Variants in NRXN3 observed in about 807,000 individuals in gnomAD.
NRXN3 encodes the protein neurexin III.
In NRXN3, 32 loss-of-function variants were observed where a neutral mutation model predicts 137.6. The observed-to-expected ratio is 0.23, with a 90% confidence interval of 0.18 to 0.31. The LOEUF (loss-of-function observed/expected upper bound fraction) is 0.31, where lower values mean the gene tolerates loss of function less well. Ranked by LOEUF, NRXN3 falls within the 10% of genes least tolerant of loss-of-function variation. The pLI, the probability that NRXN3 is intolerant of heterozygous loss-of-function variation, is 1.00. For synonymous variants in NRXN3, 798 were observed against 784.5 expected, an observed-to-expected ratio of 1.02 and a Z score of -0.29; for missense variants, 1,574 against 2,062.5, an observed-to-expected ratio of 0.76 and a Z score of 4.59.
chr14:79,451,234 C>T (rs1167706862), intron 15 of NRXN3, among the ~76,000 whole-genome samples: 1 of 151,504 alleles, frequency 6.6e-6, no homozygotes, highest in Non-Finnish European at 1.5e-5. Context: ...ATTTAATGAT[C>T]TCTGCAATCT....
chr14:78,190,210 A>G (rs142349714), intron 1 of NRXN3, among the ~76,000 whole-genome samples: 135 of 152,330 alleles, frequency 8.9e-4, no homozygotes, highest in Middle Eastern at 6.8e-3. Context: ...CCAAATGAGA[A>G]TGTCTCACCC....
At chr14:79,352,321 C>T (rs1302123131) in intron 15 of NRXN3, among the ~76,000 whole-genome samples, 4 of 152,060 alleles carry the variant, frequency 2.6e-5, no homozygotes, top group Admixed American at 6.6e-5. Flanking sequence ...ATGTTATGTT[C>T]TTTCATCCAG....
intron 17 of NRXN3, among the ~76,000 whole-genome samples, chr14:79,691,106 G>A (rs1180040338): frequency 6.6e-6 from 1 of 151,916 alleles, no homozygotes; most frequent in Non-Finnish European, 1.5e-5. Context: ...TTTGTTATTT[G>A]AAGCATATTC....
At chr14:78,916,607 G>A (rs753586974) in intron 10 of NRXN3, among the ~76,000 whole-genome samples, 1 of 152,150 alleles carries the variant, frequency 6.6e-6, no homozygotes, top group Admixed American at 6.5e-5. Context: ...GATGAGGTCC[G>A]AGACATAAGG....
At chr14:79,130,749 T>A (rs2057344509) in intron 15 of NRXN3, among the ~76,000 whole-genome samples, 1 of 152,246 alleles carries the variant, frequency 6.6e-6, no homozygotes, top group Admixed American at 6.5e-5. Context: ...GGGGAAGTTT[T>A]CCTGGATAAT....
intron 15 of NRXN3, among the ~76,000 whole-genome samples, chr14:79,130,969 A>C (rs1290534243): frequency 2.6e-5 from 4 of 152,150 alleles, no homozygotes; most frequent in Non-Finnish European, 5.9e-5. Flanking sequence ...AGTTGATCGC[A>C]TCGGCTCCTG....
intron 19 of NRXN3, among the ~76,000 whole-genome samples, chr14:79,744,570 G>A (rs927653547): frequency 6.6e-6 from 1 of 152,160 alleles, no homozygotes; most frequent in African/African-American, 2.4e-5. Context: ...TTCTGTAATT[G>A]TTACTAACAT....
chr14:79,314,800 GGTACACTGACACC>G (rs2088110821), intron 15 of NRXN3, among the ~76,000 whole-genome samples: 3 of 143,642 alleles, frequency 2.1e-5, no homozygotes, highest in Admixed American at 1.4e-4. Flanking sequence ...CCCCAGCAGG[GGTACACTGACACC>G]TCACACGGCA....
rs148746209 is a variant in NRXN3, at chr14:79,160,722, G to C, written c.3262+172581G>C. 3.3e-5 allele frequency among the ~76,000 whole-genome samples: 5 copies of C among 151,898 alleles called. No homozygotes were observed. The East Asian group carries it at 9.7e-4, about 30-fold the overall frequency. ...TTACTGCTTTTAACCTGAAAAATAG[G>C]ATCTAAAATGATACTCAGATACTTA... is the stretch of plus-strand genomic sequence containing the variant. On this transcript the variant is annotated intron_variant, in intron 15 of 20. Transcript: ENST00000335750.
At chr14:79,651,171 C>G (rs539836226) in intron 16 of NRXN3, among the ~76,000 whole-genome samples, 2 of 152,230 alleles carry the variant, frequency 1.3e-5, no homozygotes, top group African/African-American at 2.4e-5. Flanking sequence ...GAACACTAAG[C>G]CTTTCACCTC....
intron 20 of NRXN3, among the ~76,000 whole-genome samples, chr14:79,830,527 G>T (rs1248194769): frequency 1.3e-5 from 2 of 152,088 alleles, no homozygotes; most frequent in Non-Finnish European, 2.9e-5. Flanking sequence ...TTAGTAAAGG[G>T]GGCTTTTGCT....
At chr14:78,289,203 A>T (rs1056308865) in intron 3 of NRXN3, among the ~76,000 whole-genome samples, 1 of 152,190 alleles carries the variant, frequency 6.6e-6, no homozygotes, top group Admixed American at 6.5e-5. Context: ...TGTAAATCCT[A>T]TATGATTATC....
intron 8 of NRXN3, among the ~76,000 whole-genome samples, chr14:78,787,460 A>ACGT (rs1459560546): frequency 6.6e-6 from 1 of 152,170 alleles, no homozygotes; most frequent in African/African-American, 2.4e-5. Context: ...CAGCTCAATG[A>ACGT]CGTTGTGTAA....
chr14:79,649,450 T>A (rs2098465851), intron 16 of NRXN3, among the ~76,000 whole-genome samples: 1 of 152,198 alleles, frequency 6.6e-6, no homozygotes, highest in South Asian at 2.1e-4. Context: ...AGTTTCTAAA[T>A]TCCATAAATG....
intron 4 of NRXN3, among the ~76,000 whole-genome samples, chr14:78,563,664 T>C (rs1600526675): frequency 6.6e-6 from 1 of 152,380 alleles, no homozygotes; most frequent in South Asian, 2.1e-4. Flanking sequence ...CCTTTCCTTT[T>C]GTGTCTAGCC....
intron 15 of NRXN3, among the ~76,000 whole-genome samples, chr14:79,268,581 G>C (rs1431873802): frequency 6.6e-6 from 1 of 152,146 alleles, no homozygotes; most frequent in Non-Finnish European, 1.5e-5. Flanking sequence ...TTCCAGAAAA[G>C]GGGCAAAGAG....
chr14:79,358,656 A>AGAAC (rs1491285480), intron 15 of NRXN3, among the ~76,000 whole-genome samples: 1 of 151,056 alleles, frequency 6.6e-6, no homozygotes, highest in African/African-American at 2.4e-5. Context: ...AAAGAAAGAA[A>AGAAC]GAAAGAAAGA....
At chr14:79,477,936 A>G (rs2096574093) in intron 16 of NRXN3, among the ~76,000 whole-genome samples, 1 of 152,042 alleles carries the variant, frequency 6.6e-6, no homozygotes, top group Non-Finnish European at 1.5e-5. Flanking sequence ...CAGGGGACAG[A>G]TAAGTAAAAC....
At chr14:78,752,578 A>G (rs532866876) in intron 8 of NRXN3, among the ~76,000 whole-genome samples, 2 of 152,168 alleles carry the variant, frequency 1.3e-5, no homozygotes, top group African/African-American at 2.4e-5. Context: ...TCAGGGCTCT[A>G]TGGGGATTCT....
Sources: allele counts gnomAD v4.1 joint callset (sites outside exome capture counted in the v4.1 genomes callset), GRCh38; gene constraint gnomAD v4.1.1; transcripts MANE v1.5; gene names NCBI Gene and HGNC (gene_info 2026-07-23, HGNC 2026-07-21).